Variants in FBXL17 observed in about 807,000 individuals in gnomAD.
The protein encoded by FBXL17 is F-box and leucine rich repeat protein 17.
Under a neutral mutation model 66.2 loss-of-function variants are expected in FBXL17, and 22 were observed. The ratio of observed to expected loss-of-function variants is 0.33; its 90% CI spans 0.24 to 0.47. The LOEUF is 0.47. FBXL17 is among the 20% of genes least tolerant of loss of function. The pLI is 1.00. For synonymous variants in FBXL17, 474 were observed against 400.5 expected, an observed-to-expected ratio of 1.18 and a Z score of -2.19; for missense variants, 878 against 948.2, an observed-to-expected ratio of 0.93 and a Z score of 0.97.
At chr5:108,059,279 C>T (rs975647009) in intron 6 of FBXL17, among the ~76,000 whole-genome samples, 3 of 152,084 alleles carry the variant, frequency 2.0e-5, no homozygotes, top group African/African-American at 7.2e-5. Context: ...AAGGTATAGA[C>T]AAGAAACAGT....
intron 7 of FBXL17, among the ~76,000 whole-genome samples, chr5:107,946,255 T>TTTTTTA (rs1208616623): frequency 5.0e-5 from 2 of 40,396 alleles, no homozygotes; most frequent in Non-Finnish European, 8.8e-5. Context: ...CAATCTCATT[T>TTTTTTA]TATATATATA....
At chr5:107,875,734 C>T (rs2112493944) in intron 8 of FBXL17, among the ~76,000 whole-genome samples, 1 of 152,342 alleles carries the variant, frequency 6.6e-6, no homozygotes. Flanking sequence ...CACTATTTCA[C>T]TCCTCAACTA....
chr5:108,240,007 T>C (rs922549944), intron 4 of FBXL17, among the ~76,000 whole-genome samples: 3 of 151,972 alleles, frequency 2.0e-5, no homozygotes, highest in African/African-American at 7.2e-5. Flanking sequence ...CTGGAAGGAT[T>C]CATCATCTGC....
At chr5:108,299,419 T>G in intron 4 of FBXL17, 1 of 964,832 alleles carries the variant, frequency 1.0e-6, no homozygotes, top group Non-Finnish European at 1.2e-6. Flanking sequence ...TACACAAATA[T>G]GTACTAAAAA....
chr5:108,339,004 A>G (rs1746698484), intron 4 of FBXL17, among the ~76,000 whole-genome samples: 1 of 152,204 alleles, frequency 6.6e-6, no homozygotes, highest in Non-Finnish European at 1.5e-5. Context: ...GCCATAGGAC[A>G]TTTACAATAA....
At chr5:108,222,672 C>CTTTTT (rs34291617) in intron 5 of FBXL17, among the ~76,000 whole-genome samples, 1 of 117,400 alleles carries the variant, frequency 8.5e-6, no homozygotes, top group South Asian at 2.9e-4. Context: ...ACTATGGCAT[C>CTTTTT]TTTTTTTTTT....
intron 6 of FBXL17, among the ~76,000 whole-genome samples, chr5:108,134,099 C>CA (rs1386208525): frequency 6.6e-6 from 1 of 151,670 alleles, no homozygotes; most frequent in Admixed American, 6.6e-5. Context: ...TCATTTTTTC[C>CA]AAAAATGGCA....
intron 7 of FBXL17, among the ~76,000 whole-genome samples, chr5:107,884,724 C>T (rs992291800): frequency 3.4e-4 from 51 of 152,214 alleles, no homozygotes; most frequent in African/African-American, 1.2e-3. Flanking sequence ...ATCGGGATCA[C>T]ATTTAACTTT....
At position 108,381,867 on chromosome 5, in the gene FBXL17, G is replaced by A; in HGVS notation, c.-176C>T. On this transcript the variant is annotated 5_prime_UTR_variant, in exon 1 of 9. Transcript: ENST00000542267. ...CGGTGGGGGGTGGGCGTCAGCTGCG[G>A]GCCGCCGGAGTGCCCGACGGGGGCT... 3 of 1,293,346 alleles carry A rather than the reference G, an allele frequency of 2.3e-6. No individual in the cohort carries two copies. The highest frequency in any genetic ancestry group is 2.9e-6 in the Non-Finnish European group (3 of 1,021,084). 80.1% of individuals were successfully genotyped at this position (1,293,346 alleles called of 1,614,324 possible).
intron 6 of FBXL17, among the ~76,000 whole-genome samples, chr5:108,067,266 A>G (rs1748150432): frequency 6.6e-6 from 1 of 152,126 alleles, no homozygotes; most frequent in African/African-American, 2.4e-5. Context: ...CTTAATATCT[A>G]CTTCGTATTT....
At position 108,186,258 on chromosome 5, in the gene FBXL17, A is replaced by G; in HGVS notation, c.1615-11T>C. The G allele has an allele frequency of 6.2e-7, 1 of 1,603,364 alleles. No homozygotes were observed. Among genetic ancestry groups the G allele is most frequent in the African/African-American group, 1.3e-5 (1 of 74,664 alleles). ...GGAAAGGTTTCTTAGCTAATGAGATAAATAAAATGAAAGATGAAAAAGGTA... is the reference window on the plus strand; with the variant it reads ...GGAAAGGTTTCTTAGCTAATGAGATGAATAAAATGAAAGATGAAAAAGGTA... On this transcript the variant is annotated splice_polypyrimidine_tract_variant and intron_variant, in intron 5 of 8. Coordinates refer to ENST00000542267, the MANE Select transcript of FBXL17 (RefSeq NM_001163315.3).
chr5:108,084,799 T>C (rs1748909966), intron 6 of FBXL17, among the ~76,000 whole-genome samples: 2 of 152,204 alleles, frequency 1.3e-5, no homozygotes, highest in African/African-American at 2.4e-5. Context: ...AAAAACCTAA[T>C]AAAATCTCCA....
At chr5:107,897,491 T>A (rs1749422748) in intron 7 of FBXL17, among the ~76,000 whole-genome samples, 1 of 152,172 alleles carries the variant, frequency 6.6e-6, no homozygotes, top group African/African-American at 2.4e-5. Flanking sequence ...GCTTTGTCCC[T>A]GAAGTCGAGA....
chr5:108,096,280 A>G (rs1158589015), intron 6 of FBXL17, among the ~76,000 whole-genome samples: 3 of 152,238 alleles, frequency 2.0e-5, no homozygotes, highest in Non-Finnish European at 4.4e-5. Flanking sequence ...TTCATTATCA[A>G]TAACATTGAT....
intron 6 of FBXL17, among the ~76,000 whole-genome samples, chr5:108,044,712 T>C (rs1456954175): frequency 6.6e-6 from 1 of 152,224 alleles, no homozygotes; most frequent in Non-Finnish European, 1.5e-5. Context: ...AGAATTGGCA[T>C]TGATTCATCT....
rs989186622 is a variant in FBXL17 at position 108,097,800 on chromosome 5, T to A, written c.1746-76799A>T. On this transcript the variant is annotated intron_variant, in intron 6 of 8. Transcript: ENST00000542267. Reference sequence around the variant, plus strand: ...CGAGACTCCAGAAAAAAAAAAAAAATTATATCTTCAGAGGTGTCTTTCCTG... The same window carrying A: ...CGAGACTCCAGAAAAAAAAAAAAAAATATATCTTCAGAGGTGTCTTTCCTG... Among the ~76,000 whole-genome samples, 47 of 120,844 alleles carry A rather than the reference T, an allele frequency of 3.9e-4. No individual in the cohort carries two copies. In the East Asian group the frequency reaches 4.5e-3, roughly 12 times the overall value. The allele number at this position is 120,844 out of a possible 152,430, so 79.3% of individuals were successfully genotyped here. A position where few individuals can be genotyped will look rare whatever the true frequency, so the allele number is the denominator to read the frequency against.
At chr5:108,219,928 C>CTTTTTTTTTTTTTTTTTTTTTTT in intron 5 of FBXL17, among the ~76,000 whole-genome samples, 57 of 37,474 alleles carry the variant, frequency 1.5e-3, no homozygotes, top group East Asian at 5.5e-3. Context: ...TTACTATTTC[C>CTTTTTTTTTTTTTTTTTTTTTTT]TTTTTTTTTT....
intron 5 of FBXL17, 61 bp from the exon 6 acceptor site, chr5:108,186,308 T>C: frequency 7.0e-7 from 1 of 1,431,138 alleles, no homozygotes. Flanking sequence ...TCTCAAAACT[T>C]ACAAATGTAG....
chr5:107,949,994 A>T, intron 7 of FBXL17, among the ~76,000 whole-genome samples: 1 of 152,210 alleles, frequency 6.6e-6, no homozygotes. Flanking sequence ...AACTTTCTGC[A>T]GTCACTTTGT....
Sources: gnomAD v4.1 joint callset for allele counts (sites outside exome capture counted in the v4.1 genomes callset) on GRCh38, gnomAD v4.1.1 for gene constraint, MANE v1.5 for transcripts, NCBI Gene and HGNC (gene_info 2026-07-23, HGNC 2026-07-21) for gene names.